URB1: variants seen among roughly 807,000 people sequenced by gnomAD.
URB1 encodes the protein nucleolar pre-ribosomal-associated protein 1.
Under a neutral mutation model 242.3 loss-of-function variants are expected in URB1, and 197 were observed. That is an observed-to-expected ratio of 0.81 (90% CI 0.72 to 0.91). The LOEUF (loss-of-function observed/expected upper bound fraction) is 0.91, where lower values mean the gene tolerates loss of function less well. Ranked by LOEUF, URB1 falls within the 40% of genes least tolerant of loss-of-function variation. The pLI is 0.00. For synonymous variants in URB1, 1,153 were observed against 1,201.8 expected (o/e 0.96, Z 0.84); for missense variants, 2,721 against 2,860.5 (o/e 0.95, Z 1.11).
intron 25 of URB1, 66 bp from the exon 26 acceptor site, chr21:32,338,966 TAAAG>T: frequency 1.5e-6 from 2 of 1,375,898 alleles, no homozygotes; most frequent in Non-Finnish European, 2.0e-6. Context: ...CAGGAAACAA[TAAAG>T]ATTCTTTTTC....
chr21:32,350,657 C>G, intron 20 of URB1, 47 bp downstream of exon 20: 1 of 1,537,146 alleles, frequency 6.5e-7, no homozygotes, highest in South Asian at 1.2e-5. Flanking sequence ...GCTTAGCTCT[C>G]TGGTGGCAGA....
intron 30 of URB1, among the ~76,000 whole-genome samples, chr21:32,331,958 C>T (rs2032898044): frequency 1.3e-5 from 2 of 152,234 alleles, no homozygotes; most frequent in South Asian, 4.1e-4. Context: ...TTTCAGCATG[C>T]CCAGCAGTGA....
At chr21:32,337,967 T>A (rs1274647339) in intron 26 of URB1, among the ~76,000 whole-genome samples, 1 of 152,226 alleles carries the variant, frequency 6.6e-6, no homozygotes. Flanking sequence ...TCCCCATGAC[T>A]GTGCTACCAA....
intron 36 of URB1, among the ~76,000 whole-genome samples, 152 bp from the exon 37 acceptor site, chr21:32,318,069 C>G (rs968936489): frequency 6.6e-6 from 1 of 152,086 alleles, no homozygotes; most frequent in East Asian, 1.9e-4. Flanking sequence ...CTAGCATGGG[C>G]CCCCAGGACG....
chr21:32,319,957 G>A lies in URB1; in HGVS notation c.5595-543C>T, dbSNP rs375038463. Among the ~76,000 whole-genome samples, 23 of 152,346 alleles carry A rather than the reference G, an allele frequency of 1.5e-4. No individual in the cohort carries two copies. In the East Asian group the frequency reaches 2.7e-3, roughly 18 times the overall value. On this transcript the variant is annotated intron_variant, in intron 35 of 38. Coordinates refer to ENST00000382751, the MANE Select transcript of URB1 (RefSeq NM_014825.3). ...TTGTAAGACAGAGCCCTCCCGCCAA[G>A]TGCTGTCTGCTGTGACAGGGTCTTC...
At chr21:32,373,931 G>A (rs182247950) in intron 6 of URB1, among the ~76,000 whole-genome samples, 159 bp from the exon 7 acceptor site, 138 of 152,100 alleles carry the variant, frequency 9.1e-4, no homozygotes, top group African/African-American at 3.3e-3. Flanking sequence ...AACATAAAGG[G>A]AAATTCACCA....
chr21:32,375,592 T>TC, intron 5 of URB1, 109 bp from the exon 6 acceptor site: 1 of 621,660 alleles, frequency 1.6e-6, no homozygotes, highest in Non-Finnish European at 2.6e-6. Context: ...ATTTACTTTT[T>TC]CAAGTTTTTT....
At chr21:32,384,538 C>A in intron 2 of URB1, 74 bp from the exon 3 acceptor site, 1 of 1,495,860 alleles carries the variant, frequency 6.7e-7, no homozygotes, top group South Asian at 1.3e-5. Context: ...CTCCTTTTGT[C>A]TTAGCCATAG....
Position 32,314,660 on chromosome 21 carries a change from A to C in URB1, c.*258T>G. 6.2e-7 allele frequency: 1 copy of C among 1,611,460 alleles called. No homozygotes were observed. The highest frequency in any genetic ancestry group is 8.5e-7 in the Non-Finnish European group (1 of 1,177,516). On this transcript the variant is annotated 3_prime_UTR_variant, in exon 39 of 39. Transcript: ENST00000382751. ...AGAGGAAGGGGCGGCCTGACGAGGC[A>C]CTGGATGGGCCTCATGGCCTAGAAG...
At position 32,311,418 on chromosome 21, in the gene URB1, C is replaced by A. The variant is rs73901394; in HGVS notation, c.*3500G>T. ...AACCTGCTCCCCTCCACCCCCCACC[C>A]CCCCCATCCTAAATCAATGTAGGAA... On this transcript the variant is annotated 3_prime_UTR_variant, in exon 39 of 39. Coordinates refer to ENST00000382751, the MANE Select transcript of URB1 (RefSeq NM_014825.3). The A allele has an allele frequency of 1.2e-4, 35 of 299,120 alleles. No homozygotes were observed. The highest frequency in any genetic ancestry group is 1.7e-4 in the African/African-American group (8 of 46,048). The allele number at this position is 299,120 out of a possible 1,614,324, so 18.5% of individuals were successfully genotyped here.
At position 32,334,240 on chromosome 21, in the gene URB1, G is replaced by A. The variant is rs978622224; in HGVS notation, c.4780C>T (p.Leu1594Phe). ...ATCCGGTCCCGGTCCAGCAGGCGAA[G>A]GATGTCCCCGACACTCGGCTGCTGC... ...LWQQPSVGDI[L>F]RLLDRDRMMQ... The change falls in exon 29 of 39, where the codon CTT becomes TTT. Residue 1594 changes from leucine to phenylalanine, a missense_variant. By Grantham distance (22) the Leu-to-Phe change is conservative (BLOSUM62 0). Coordinates refer to ENST00000382751, the MANE Select transcript of URB1 (RefSeq NM_014825.3). 1.7e-5 allele frequency: 27 copies of A among 1,551,484 alleles called. No individual in the cohort carries two copies. Among genetic ancestry groups the A allele is most frequent in the Non-Finnish European group, 2.3e-5 (26 of 1,146,978 alleles).
Position 32,368,447 on chromosome 21 carries a change from G to A in URB1, c.1153C>T (p.Arg385Ter), listed in dbSNP as rs1032662908. 7.1e-6 allele frequency: 11 copies of A among 1,550,236 alleles called. No homozygotes were observed. The highest frequency in any genetic ancestry group is 1.2e-5 in the South Asian group (1 of 83,620). Residue 385 changes from arginine to a stop codon, truncating the protein, a stop_gained, in exon 9 of 39, where the codon CGA becomes TGA. Coordinates refer to ENST00000382751, the MANE Select transcript of URB1 (RefSeq NM_014825.3). LOFTEE classifies it high-confidence loss of function. ...TTATTTAACCAAGTAGACTTCGCTC[G>A]TGGGATAAAGGAAAACGTTACTTCC... ...FKEVTFSFIP[R>*]AKSTWLNNIK... is the part of the protein sequence containing the mutation.
intron 6 of URB1, among the ~76,000 whole-genome samples, chr21:32,374,447 T>A (rs571575485): frequency 6.6e-6 from 1 of 152,310 alleles, no homozygotes; most frequent in Non-Finnish European, 1.5e-5. Flanking sequence ...TCACGGTCCA[T>A]GAACATATTT....
chr21:32,350,653 C>A lies in URB1; in HGVS notation c.2832+51G>T, dbSNP rs1253421327. 3 of 1,533,426 alleles carry A rather than the reference C, an allele frequency of 2.0e-6. No individual in the cohort carries two copies. In the East Asian group the frequency reaches 7.4e-5, roughly 38 times the overall value. The allele number at this position is 1,533,426 out of a possible 1,614,324, so 95.0% of individuals were successfully genotyped here. A position where few individuals can be genotyped will look rare whatever the true frequency, so the allele number is the denominator to read the frequency against. ...TGGGCCCGACTCAGAGAAGGCTTAG[C>A]TCTCTGGTGGCAGAGCTCTGAAGCC... On this transcript the variant is annotated intron_variant, in intron 20 of 38. Coordinates refer to ENST00000382751, the MANE Select transcript of URB1 (RefSeq NM_014825.3).
rs1244428445 is a variant in URB1, at chr21:32,361,941, C to T, written c.1590G>A (p.Gly530=). The T allele has an allele frequency of 6.4e-7, 1 of 1,551,544 alleles. No individual in the cohort carries two copies. Among genetic ancestry groups the T allele is most frequent in the Non-Finnish European group, 8.7e-7 (1 of 1,146,872 alleles). Residue 530 remains glycine, a synonymous_variant, in exon 12 of 39, where the codon GGG becomes GGA. Transcript: ENST00000382751. Reference sequence around the variant, plus strand: ...CCGGGGGCCCATCGCTCCTTTTCTGCCCTTTCTTGTCATCCTGTTTGGTCT... The same window carrying T: ...CCGGGGGCCCATCGCTCCTTTTCTGTCCTTTCTTGTCATCCTGTTTGGTCT... The part of the protein sequence containing the change: ...KQETKQDDKK[G]QKRSDGPPAA...
chr21:32,315,897 G>A (rs2032674912), intron 38 of URB1, among the ~76,000 whole-genome samples: 1 of 152,150 alleles, frequency 6.6e-6, no homozygotes, highest in South Asian at 2.1e-4. Flanking sequence ...CTCTGTGAAA[G>A]GACAGACCTC....
At chr21:32,316,334 A>AC (rs2032684724) in intron 38 of URB1, 132 bp downstream of exon 38, 4 of 1,366,016 alleles carry the variant, frequency 2.9e-6, no homozygotes, top group Non-Finnish European at 3.8e-6. Context: ...GTAAGGGGCC[A>AC]CCTAAACAAG....
chr21:32,318,326 G>T (rs575911557), intron 36 of URB1, among the ~76,000 whole-genome samples: 3 of 152,070 alleles, frequency 2.0e-5, no homozygotes, highest in Non-Finnish European at 2.9e-5. Flanking sequence ...CACCACCCAC[G>T]GCCAAAACCT....
At chr21:32,370,039 G>GGGA (rs2033390312) in intron 8 of URB1, among the ~76,000 whole-genome samples, 1 of 150,342 alleles carries the variant, frequency 6.7e-6, no homozygotes, top group African/African-American at 2.5e-5. Context: ...CTTGCATAAA[G>GGGA]GGAGTAAAAT....
Sources: allele counts gnomAD v4.1 joint callset (sites outside exome capture counted in the v4.1 genomes callset), GRCh38; gene constraint gnomAD v4.1.1; transcripts MANE v1.5; gene names NCBI Gene and HGNC (gene_info 2026-07-23, HGNC 2026-07-21).